The following FAM227B variants were observed in gnomAD, a reference collection of about 807,000 sequenced individuals.
FAM227B encodes the protein protein FAM227B.
Under a neutral mutation model 73.8 loss-of-function variants are expected in FAM227B, and 88 were observed. The observed-to-expected ratio is 1.19, with a 90% CI of 1.00 to 1.42. The LOEUF (loss-of-function observed/expected upper bound fraction) is 1.42, where lower values mean the gene tolerates loss of function less well. FAM227B is among the 40% of genes most tolerant of loss of function. FAM227B has a pLI of 0.00. For synonymous variants in FAM227B, 210 were observed against 190.5 expected (o/e 1.10, Z -0.84); for missense variants, 632 against 590.9 (o/e 1.07, Z -0.72).
intron 13 of FAM227B, among the ~76,000 whole-genome samples, chr15:49,340,022 T>A (rs2040427068): frequency 6.6e-6 from 1 of 152,068 alleles, no homozygotes; most frequent in Non-Finnish European, 1.5e-5. Context: ...GGCACGAGAA[T>A]TTCAAGCCAG....
chr15:49,413,357 C>T (rs1182302376), intron 11 of FAM227B, among the ~76,000 whole-genome samples: 1 of 152,086 alleles, frequency 6.6e-6, no homozygotes, highest in Non-Finnish European at 1.5e-5. Flanking sequence ...ACCTGACATG[C>T]TCCTCCTTGT....
chr15:49,615,560 G>C (rs1164297064), intron 1 of FAM227B, among the ~76,000 whole-genome samples: 1 of 152,102 alleles, frequency 6.6e-6, no homozygotes, highest in Non-Finnish European at 1.5e-5. Flanking sequence ...TCCTGCTCCA[G>C]CCATGTAGGA....
intron 3 of FAM227B, among the ~76,000 whole-genome samples, chr15:49,592,700 G>C (rs1038425321): frequency 3.3e-5 from 5 of 152,198 alleles, no homozygotes; most frequent in African/African-American, 9.7e-5. Context: ...GCCATGCTGG[G>C]AGAACCACTG....
chr15:49,437,520 T>A (rs1231544171), intron 11 of FAM227B, among the ~76,000 whole-genome samples: 1 of 151,634 alleles, frequency 6.6e-6, no homozygotes, highest in African/African-American at 2.4e-5. Context: ...ATTTTAAGGA[T>A]TTTTTTGGGG....
At chr15:49,566,925 C>G (rs1392786083) in intron 9 of FAM227B, among the ~76,000 whole-genome samples, 1 of 152,180 alleles carries the variant, frequency 6.6e-6, no homozygotes, top group Non-Finnish European at 1.5e-5. Flanking sequence ...ACATCCACCA[C>G]AAGTGAGAAC....
At chr15:49,364,206 A>G (rs1336236480) in intron 13 of FAM227B, among the ~76,000 whole-genome samples, 3 of 152,096 alleles carry the variant, frequency 2.0e-5, no homozygotes, top group African/African-American at 7.2e-5. Context: ...TCTTCTTTAT[A>G]TATCTGGTGG....
chr15:49,366,894 T>C (rs927474501), intron 13 of FAM227B, among the ~76,000 whole-genome samples: 1 of 152,198 alleles, frequency 6.6e-6, no homozygotes, highest in Non-Finnish European at 1.5e-5. Flanking sequence ...TAATGAGGAC[T>C]GGGCCAAGAA....
At chr15:49,334,184 T>C (rs2151167654) in intron 14 of FAM227B, 1 of 869,856 alleles carries the variant, frequency 1.1e-6, no homozygotes, top group South Asian at 5.3e-5. Flanking sequence ...TTAAAGATGA[T>C]CTTAAGCACT....
At chr15:49,336,600 C>G (rs1265094068) in intron 13 of FAM227B, among the ~76,000 whole-genome samples, 2 of 152,190 alleles carry the variant, frequency 1.3e-5, no homozygotes, top group Admixed American at 1.3e-4. Flanking sequence ...TTTTCCATTT[C>G]AAGGCTGTTC....
At chr15:49,449,176 T>C (rs564144485) in intron 11 of FAM227B, among the ~76,000 whole-genome samples, 1 of 152,096 alleles carries the variant, frequency 6.6e-6, no homozygotes, top group Admixed American at 6.6e-5. Flanking sequence ...ACTGCATTAC[T>C]AAGTCTAAGT....
intron 10 of FAM227B, among the ~76,000 whole-genome samples, chr15:49,537,184 T>C (rs2070393598): frequency 6.6e-6 from 1 of 152,078 alleles, no homozygotes; most frequent in Admixed American, 6.6e-5. Context: ...ATCTATTAAT[T>C]GTAATATCTA....
chr15:49,489,736 ATCCCC>A (rs2056721674), intron 11 of FAM227B, among the ~76,000 whole-genome samples: 1 of 143,054 alleles, frequency 7.0e-6, no homozygotes, highest in African/African-American at 2.5e-5. Context: ...ACACACTGGT[ATCCCC>A]TGTTCTATAT....
At chr15:49,382,819 A>G (rs538218651) in intron 11 of FAM227B, among the ~76,000 whole-genome samples, 1 of 152,088 alleles carries the variant, frequency 6.6e-6, no homozygotes, top group African/African-American at 2.4e-5. Flanking sequence ...AAAAGACTCT[A>G]TGGGTAGCTG....
chr15:49,519,422 G>T (rs1454338429), intron 10 of FAM227B, among the ~76,000 whole-genome samples: 1 of 152,160 alleles, frequency 6.6e-6, no homozygotes, highest in African/African-American at 2.4e-5. Context: ...CCTTGCAGAG[G>T]TTCTCCATGA....
At chr15:49,453,271 T>C (rs1013586719) in intron 11 of FAM227B, among the ~76,000 whole-genome samples, 2 of 152,116 alleles carry the variant, frequency 1.3e-5, no homozygotes, top group Non-Finnish European at 2.9e-5. Flanking sequence ...ATTTTCATTA[T>C]TATTATTTTT....
chr15:49,568,119 C>G, intron 9 of FAM227B, 126 bp downstream of exon 9: 6 of 746,442 alleles, frequency 8.0e-6, no homozygotes, highest in African/African-American at 1.8e-5. Flanking sequence ...ATTACTAATA[C>G]TCTACACCAA....
intron 13 of FAM227B, among the ~76,000 whole-genome samples, chr15:49,340,976 G>A (rs1329940722): frequency 6.6e-6 from 1 of 152,110 alleles, no homozygotes; most frequent in African/African-American, 2.4e-5. Context: ...CCAATCTTTG[G>A]CATATGGCTG....
At chr15:49,333,290 T>A (rs921134758) in intron 14 of FAM227B, among the ~76,000 whole-genome samples, 1 of 152,216 alleles carries the variant, frequency 6.6e-6, no homozygotes, top group Non-Finnish European at 1.5e-5. Context: ...CTCATGAGTA[T>A]CTCTTTTGAA....
At chr15:49,344,465 GTTTC>G (rs1351875188) in intron 13 of FAM227B, among the ~76,000 whole-genome samples, 1 of 152,084 alleles carries the variant, frequency 6.6e-6, no homozygotes, top group African/African-American at 2.4e-5. Flanking sequence ...ACTTTATTGT[GTTTC>G]TTTATGTGAA....
Sources: gnomAD v4.1 joint callset for allele counts (sites outside exome capture counted in the v4.1 genomes callset) on GRCh38, gnomAD v4.1.1 for gene constraint, MANE v1.5 for transcripts, NCBI Gene and HGNC (gene_info 2026-07-23, HGNC 2026-07-21) for gene names.